The following DOP1B variants were observed in gnomAD, a reference collection of about 807,000 sequenced individuals.
DOP1B encodes protein DOP1B.
A neutral mutation model predicts 233.5 loss-of-function variants in DOP1B; 174 were observed. That is an observed-to-expected ratio of 0.75 (90% CI 0.66 to 0.85). The LOEUF (loss-of-function observed/expected upper bound fraction) is 0.85. Among genes scored for constraint, DOP1B ranks in the 40% least tolerant of loss-of-function variants. The pLI, the probability that DOP1B is intolerant of heterozygous loss-of-function variation, is 0.00. For synonymous variants in DOP1B, 1,190 were observed against 1,185.6 expected (o/e 1.00, Z -0.08); for missense variants, 2,652 against 2,846.6 (o/e 0.93, Z 1.56).
chr21:36,169,701 G>T, intron 2 of DOP1B: 1 of 913,766 alleles, frequency 1.1e-6, no homozygotes. Context: ...GCAGCGAGGC[G>T]GGTGACTTGG....
At chr21:36,218,426 G>A (rs947683128) in intron 9 of DOP1B, among the ~76,000 whole-genome samples, 10 of 152,236 alleles carry the variant, frequency 6.6e-5, no homozygotes, top group African/African-American at 2.2e-4. Flanking sequence ...GGGTGGCTAA[G>A]GCGAGAGAAT....
intron 2 of DOP1B, among the ~76,000 whole-genome samples, chr21:36,184,795 G>T (rs1441956222): frequency 6.6e-6 from 1 of 152,220 alleles, no homozygotes; most frequent in Non-Finnish European, 1.5e-5. Flanking sequence ...GAACAGGATC[G>T]CTGTGGGAGG....
chr21:36,209,019 C>A, intron 5 of DOP1B, 115 bp downstream of exon 5: 2 of 1,206,274 alleles, frequency 1.7e-6, no homozygotes, highest in Non-Finnish European at 2.2e-6. Flanking sequence ...GGAGGTGCAC[C>A]AAGCTTAAGT....
chr21:36,252,456 T>TA (rs565981647), intron 22 of DOP1B, among the ~76,000 whole-genome samples: 8,341 of 102,058 alleles, frequency 0.082, 432 homozygotes, highest in African/African-American at 0.17. Context: ...ACACTTCATG[T>TA]AAAAAAAAAA....
At chr21:36,258,457 A>T (rs1455478946) in intron 23 of DOP1B, among the ~76,000 whole-genome samples, 1 of 152,116 alleles carries the variant, frequency 6.6e-6, no homozygotes, top group East Asian at 1.9e-4. Context: ...GACCATTGTA[A>T]CAAAGTTTGA....
Position 36,200,436 on chromosome 21 carries a change from C to A in DOP1B, c.426C>A (p.Pro142=). The A allele has an allele frequency of 6.2e-7, 1 of 1,613,460 alleles. No homozygotes were observed. The highest frequency in any genetic ancestry group is 8.5e-7 in the Non-Finnish European group (1 of 1,180,022). ...TCCCACTGCAGAAGCTGCTCCTGCCCAGTCTGCAGGCCTTCATCGTGGGCC... is the reference window on the plus strand; with the variant it reads ...TCCCACTGCAGAAGCTGCTCCTGCCAAGTCTGCAGGCCTTCATCGTGGGCC... ...YFLPLQKLLL[P]SLQAFIVGLL... is the part of the protein sequence containing the mutation. Residue 142 remains proline (P), a synonymous_variant, in exon 4 of 37, where the codon CCC becomes CCA. Transcript: ENST00000691173.
In DOP1B at chr21:36,245,459, C is replaced by G. The variant is rs1169193347; in HGVS notation, c.3479C>G (p.Ala1160Gly). 4.3e-6 allele frequency: 7 copies of G among 1,613,928 alleles called. No individual in the cohort carries two copies. In the South Asian group the frequency reaches 7.7e-5, roughly 18 times the overall value. ...GGCAGGGCGTACCCCAAGCGCTCGG[C>G]CCTGCTGGCGGCCTTCCAGTCAGAA... ...MGGRAYPKRSALLAAFQSESF... is the reference protein window; with the variant it reads ...MGGRAYPKRSGLLAAFQSESF... Residue 1160 changes from alanine (A) to glycine (G), a missense_variant, in exon 19 of 37, where the codon GCC becomes GGC. Coordinates refer to ENST00000691173, the MANE Select transcript of DOP1B (RefSeq NM_001320714.2). This position sits in a 1 kb window ranked among gnomAD's most constrained non-coding sequence, Gnocchi z 5.5.
chr21:36,285,886 T>TA (rs2067477411), intron 32 of DOP1B, among the ~76,000 whole-genome samples: 3 of 152,018 alleles, frequency 2.0e-5, no homozygotes, highest in Non-Finnish European at 4.4e-5. Flanking sequence ...CAGGCGCCTA[T>TA]AATCCCAGCT....
At position 36,211,555 on chromosome 21, in the gene DOP1B, G is replaced by A. The variant is rs768959217; in HGVS notation, c.684G>A (p.Val228=). 1 of 1,614,114 alleles carries A rather than the reference G, an allele frequency of 6.2e-7. No homozygotes were observed. Among genetic ancestry groups the A allele is most frequent in the African/African-American group, 1.3e-5 (1 of 75,064 alleles). The stretch of plus-strand genomic sequence containing the variant: ...TAGTGCCGTTTGATCGTTTACAGGT[G>A]AAGTCTTTGCGTGCCTCCCTGTTGG... ...YMLGTNHQLT[V]KSLRASLLDS... Residue 228 remains valine (V), a splice_region_variant and synonymous_variant, in exon 6 of 37, where the codon GTG becomes GTA. Coordinates refer to ENST00000691173, the MANE Select transcript of DOP1B (RefSeq NM_001320714.2).
In DOP1B at chr21:36,289,224, G is replaced by T. The variant is rs371091443; in HGVS notation, c.6515+18G>T. The T allele has an allele frequency of 3.1e-6, 5 of 1,602,824 alleles. No homozygotes were observed. In the African/African-American group the frequency reaches 6.7e-5, roughly 22 times the overall value. Reference sequence around the variant, plus strand: ...TTTCAAATGTAAGTCAGATAGGATCGTGTGTCCTTTTTGAAGTAAGAGATT... The same window carrying T: ...TTTCAAATGTAAGTCAGATAGGATCTTGTGTCCTTTTTGAAGTAAGAGATT... On this transcript the variant is annotated intron_variant, in intron 35 of 36. Coordinates refer to ENST00000691173, the MANE Select transcript of DOP1B (RefSeq NM_001320714.2).
At position 36,225,628 on chromosome 21, in the gene DOP1B, C is replaced by G; in HGVS notation, c.1434C>G (p.Leu478=). 1.2e-6 allele frequency: 2 copies of G among 1,614,246 alleles called. No homozygotes were observed. Among genetic ancestry groups the G allele is most frequent in the Non-Finnish European group, 8.5e-7 (1 of 1,180,044 alleles). The change falls in exon 12 of 37, where the codon CTC becomes CTG. Residue 478 remains leucine (L), a synonymous_variant. Transcript: ENST00000691173. ...SVSPPPTVSE[L]CALLVFLLDV... is the part of the protein sequence containing the mutation. ...GCCCTCCCCCCACGGTCTCGGAGCT[C>G]TGCGCCCTCCTGGTCTTCCTGCTGG... is the stretch of plus-strand genomic sequence containing the variant.
Position 36,187,219 on chromosome 21 carries a change from C to T in DOP1B, c.139-11851C>T, listed in dbSNP as rs549618912. On this transcript the variant is annotated intron_variant, in intron 2 of 36. Transcript: ENST00000691173. ...CCCCTCCCCTCCCTTCCCCTCCTCT[C>T]CCCTCCCTTCCCGGGGGAGGGTGCT... Among the ~76,000 whole-genome samples, 342 of 145,326 alleles carry T rather than the reference C, an allele frequency of 2.4e-3. 1 individual carries two copies. Among genetic ancestry groups the T allele is most frequent in the Non-Finnish European group, 3.7e-3 (245 of 66,726 alleles).
At chr21:36,172,293 G>T (rs2065978574) in intron 2 of DOP1B, among the ~76,000 whole-genome samples, 1 of 152,170 alleles carries the variant, frequency 6.6e-6, no homozygotes, top group Non-Finnish European at 1.5e-5. Flanking sequence ...GCAAGCACAA[G>T]AGCCAGTGTG....
chr21:36,293,205 CAA>C (rs3989100), intron 36 of DOP1B, 113 bp from the exon 37 acceptor site: 168,420 of 1,000,522 alleles, frequency 0.17, 2,568 homozygotes, highest in East Asian at 0.28. Context: ...GACTCTGTCT[CAA>C]AAAAAAAAAA....
chr21:36,175,013 C>T (rs1458017683), intron 2 of DOP1B, among the ~76,000 whole-genome samples: 1 of 152,158 alleles, frequency 6.6e-6, no homozygotes, highest in Non-Finnish European at 1.5e-5. Flanking sequence ...AGGGTTGGTT[C>T]TTCTGAGGCC....
At chr21:36,203,717 A>T (rs961315125) in intron 4 of DOP1B, among the ~76,000 whole-genome samples, 3 of 151,984 alleles carry the variant, frequency 2.0e-5, no homozygotes, top group Admixed American at 6.6e-5. Context: ...GAAGGCTGGG[A>T]TGACTCACAG....
At chr21:36,255,439 AT>A (rs930360848) in intron 23 of DOP1B, among the ~76,000 whole-genome samples, 5 of 149,720 alleles carry the variant, frequency 3.3e-5, no homozygotes, top group African/African-American at 9.9e-5. Flanking sequence ...AATTTGCATA[AT>A]TTTTTTTAAA....
At chr21:36,288,583 T>G (rs755758238) in intron 33 of DOP1B, among the ~76,000 whole-genome samples, 173 bp from the exon 34 acceptor site, 1 of 152,122 alleles carries the variant, frequency 6.6e-6, no homozygotes, top group Non-Finnish European at 1.5e-5. Flanking sequence ...TGCAGAAGGT[T>G]GAGGCTGCAG....
chr21:36,176,985 A>AT lies in DOP1B; in HGVS notation c.138+12122dup, dbSNP rs568634548. On this transcript the variant is annotated intron_variant, in intron 2 of 36. Coordinates refer to ENST00000691173, the MANE Select transcript of DOP1B (RefSeq NM_001320714.2). The stretch of plus-strand genomic sequence containing the variant: ...AGGCATGCGCCACCACACCTGGCTA[A>AT]TTTTTTTTGTATTTTTTGTAGAGAC... Among the ~76,000 whole-genome samples, 151 of 151,832 alleles carry AT rather than the reference A, an allele frequency of 9.9e-4. 1 individual carries two copies. The highest frequency in any genetic ancestry group is 3.4e-3 in the Middle Eastern group (1 of 294).
Sources: gnomAD v4.1 joint callset for allele counts (sites outside exome capture counted in the v4.1 genomes callset) on GRCh38, gnomAD v4.1.1 for gene constraint, Gnocchi (gnomAD v3.1) non-coding constraint, MANE v1.5 for transcripts, NCBI Gene and HGNC (gene_info 2026-07-23, HGNC 2026-07-21) for gene names.